Variants in IGSF5 observed in about 807,000 individuals in gnomAD.
IGSF5 encodes the protein immunoglobulin superfamily member 5, also known as immunoglobulin superfamily 5 like.
In IGSF5, 41 loss-of-function variants were observed where a neutral mutation model predicts 39.4. That is an observed-to-expected ratio of 1.04 (90% CI 0.81 to 1.35). IGSF5 has a LOEUF of 1.35. Among genes scored for constraint, IGSF5 ranks in the 40% most tolerant of loss-of-function variants. IGSF5 has a pLI of 0.00. For synonymous variants in IGSF5, 183 were observed against 175.3 expected, an observed-to-expected ratio of 1.04 and a Z score of -0.34; for missense variants, 487 against 494.6, an observed-to-expected ratio of 0.98 and a Z score of 0.15.
intron 2 of IGSF5, among the ~76,000 whole-genome samples, chr21:39,763,573 C>G (rs190170019): frequency 1.3e-5 from 2 of 152,172 alleles, no homozygotes; most frequent in Non-Finnish European, 2.9e-5. Flanking sequence ...CTCAGCACTT[C>G]GCACAAGGCA....
At chr21:39,774,153 C>T (rs900281942) in intron 4 of IGSF5, among the ~76,000 whole-genome samples, 2 of 152,144 alleles carry the variant, frequency 1.3e-5, no homozygotes, top group African/African-American at 4.8e-5. Flanking sequence ...CATCAAGATC[C>T]AGTGCAGCTG....
chr21:39,756,810 C>G (rs1242856636), intron 2 of IGSF5, among the ~76,000 whole-genome samples: 1 of 151,626 alleles, frequency 6.6e-6, no homozygotes, highest in Non-Finnish European at 1.5e-5. Context: ...GAGAAAAAAG[C>G]AAAAAGGAAA....
At chr21:39,779,971 A>G (rs1046257186) in intron 5 of IGSF5, among the ~76,000 whole-genome samples, 4 of 152,184 alleles carry the variant, frequency 2.6e-5, no homozygotes, top group African/African-American at 7.2e-5. Context: ...AATTCTGTAG[A>G]TCTACTGTAC....
the IGSF5 span, among the ~76,000 whole-genome samples, chr21:39,733,159 A>G: frequency 1.3e-5 from 2 of 152,206 alleles, no homozygotes; most frequent in Non-Finnish European, 2.9e-5. Context: ...TCATCTCAGT[A>G]TTATTTGCAA....
At chr21:39,737,061 C>T in the IGSF5 span, among the ~76,000 whole-genome samples, 1 of 152,126 alleles carries the variant, frequency 6.6e-6, no homozygotes, top group Admixed American at 6.5e-5. Flanking sequence ...ATGCTACAAC[C>T]CTGTGTATAT....
At chr21:39,742,492 G>C (rs28877694), upstream of IGSF5, among the ~76,000 whole-genome samples, 2 of 152,170 alleles carry the variant, frequency 1.3e-5, no homozygotes, top group African/African-American at 2.4e-5. Context: ...GTGATGGCAT[G>C]GGCTGGCGCT....
At chr21:39,766,613 T>A (rs1601129429) in intron 3 of IGSF5, among the ~76,000 whole-genome samples, 1 of 152,332 alleles carries the variant, frequency 6.6e-6, no homozygotes, top group East Asian at 1.9e-4. Context: ...ACAAAATTTA[T>A]AATAATAGCT....
chr21:39,797,693 T>A (rs1285227579), intron 8 of IGSF5, among the ~76,000 whole-genome samples: 1 of 148,984 alleles, frequency 6.7e-6, no homozygotes, highest in African/African-American at 2.4e-5. Context: ...ATTTTAAACA[T>A]TTTTTTTTGT....
intron 2 of IGSF5, among the ~76,000 whole-genome samples, chr21:39,746,724 T>TATAGCCCCAAAATTCTCCTTACCTCTG (rs2079977113): frequency 1.3e-5 from 2 of 152,186 alleles, no homozygotes; most frequent in African/African-American, 2.4e-5. Flanking sequence ...GTGCTGTGAA[T>TATAGCCCCAAAATTCTCCTTACCTCTG]AATAAGACAC....
chr21:39,716,670 A>C, the IGSF5 span, among the ~76,000 whole-genome samples: 3 of 152,234 alleles, frequency 2.0e-5, no homozygotes, highest in Admixed American at 1.3e-4. Context: ...CCAGCGAAAC[A>C]CATGATCTTG....
chr21:39,772,264 G>C (rs2080119000), intron 4 of IGSF5, among the ~76,000 whole-genome samples: 1 of 152,152 alleles, frequency 6.6e-6, no homozygotes, highest in Non-Finnish European at 1.5e-5. Flanking sequence ...CACGTCTGTA[G>C]AGTGAGTAAA....
intron 5 of IGSF5, among the ~76,000 whole-genome samples, chr21:39,787,547 A>C (rs2086929716): frequency 8.3e-6 from 1 of 120,632 alleles, no homozygotes; most frequent in South Asian, 3.2e-4. Context: ...CAATTTAATG[A>C]CAGTGTTTTT....
chr21:39,796,238 C>T (rs909804176), intron 8 of IGSF5, among the ~76,000 whole-genome samples: 2 of 152,148 alleles, frequency 1.3e-5, no homozygotes, highest in African/African-American at 4.8e-5. Flanking sequence ...CACTTGAGAG[C>T]TGCCAGAATA....
chr21:39,777,140 G>A lies in IGSF5; in HGVS notation c.719-1950G>A, dbSNP rs186412771. Among the ~76,000 whole-genome samples the A allele has an allele frequency of 1.4e-3, 213 of 152,310 alleles. 1 individual carries two copies. The highest frequency in any genetic ancestry group is 4.8e-3 in the African/African-American group (198 of 41,574). ...ACAGGAAACCTAAAGTTCTCGCTCA[G>A]TCACAAAGCTCCCACACAGTGGTCC... On this transcript the variant is annotated intron_variant, in intron 4 of 8. Coordinates refer to ENST00000380588, the MANE Select transcript of IGSF5 (RefSeq NM_001080444.2).
chr21:39,772,254 C>T (rs2080118875), intron 4 of IGSF5, among the ~76,000 whole-genome samples: 1 of 152,152 alleles, frequency 6.6e-6, no homozygotes, highest in Admixed American at 6.5e-5. Context: ...GGATTGTGCA[C>T]ACGTCTGTAG....
rs995992390 is a variant in IGSF5, at chr21:39,788,051, G to A, written c.935-116G>A. 2.9e-5 allele frequency: 22 copies of A among 757,040 alleles called. No homozygotes were observed. In the East Asian group the frequency reaches 3.2e-4, roughly 11 times the overall value. 46.9% of individuals were successfully genotyped at this position (757,040 alleles called of 1,614,324 possible). A position where few individuals can be genotyped will look rare whatever the true frequency, so the allele number is the denominator to read the frequency against. ...GGGAAAACTTAATAATGCTCCTTGG[G>A]TCACAAATACTAATGTTGGGTCTGT... is the stretch of plus-strand genomic sequence containing the variant. On this transcript the variant is annotated intron_variant, in intron 5 of 8. Transcript: ENST00000380588.
At chr21:39,743,981 A>G (rs1325044270), upstream of IGSF5, among the ~76,000 whole-genome samples, 1 of 152,104 alleles carries the variant, frequency 6.6e-6, no homozygotes, top group African/African-American at 2.4e-5. Context: ...TTCCCATCTG[A>G]AAAAGGAACA....
the IGSF5 span, among the ~76,000 whole-genome samples, chr21:39,719,245 T>C: frequency 0.33 from 50,919 of 152,146 alleles, 9,714 homozygotes; most frequent in Middle Eastern, 0.53. Context: ...CAAGCAATCC[T>C]CCTGCCTCAG....
intron 5 of IGSF5, among the ~76,000 whole-genome samples, chr21:39,784,485 T>A (rs1467041926): frequency 6.6e-6 from 1 of 152,210 alleles, no homozygotes; most frequent in African/African-American, 2.4e-5. Flanking sequence ...TGGGAATAAA[T>A]ACTATCCTAT....
Sources: gnomAD v4.1 joint callset for allele counts (sites outside exome capture counted in the v4.1 genomes callset) on GRCh38, gnomAD v4.1.1 for gene constraint, MANE v1.5 for transcripts, NCBI Gene and HGNC (gene_info 2026-07-23, HGNC 2026-07-21) for gene names.